The following RMDN1 variants were observed in gnomAD, a reference collection of about 807,000 sequenced individuals.
RMDN1 encodes the protein regulator of microtubule dynamics 1.
In RMDN1, 48 loss-of-function variants were observed where a neutral mutation model predicts 48.9. The observed-to-expected ratio is 0.98, with a 90% CI of 0.78 to 1.25. The LOEUF is 1.25. Among genes scored for constraint, RMDN1 ranks in the 50% most tolerant of loss-of-function variants. RMDN1 has a pLI of 0.00. For missense variants in RMDN1, 418 were observed against 373.4 expected (o/e 1.12, Z -0.98); for synonymous variants, 148 against 132.6 (o/e 1.12, Z -0.80).
chr8:86,506,396 A>G (rs1322505447), intron 2 of RMDN1, among the ~76,000 whole-genome samples: 1 of 151,964 alleles, frequency 6.6e-6, no homozygotes, highest in East Asian at 1.9e-4. Flanking sequence ...ATGCTTGTCT[A>G]TGTCTGTTAC....
chr8:86,479,170 G>A (rs1201277638), intron 6 of RMDN1, among the ~76,000 whole-genome samples, 160 bp from the exon 7 acceptor site: 2 of 152,114 alleles, frequency 1.3e-5, no homozygotes, highest in Admixed American at 6.6e-5. Flanking sequence ...TTGACATAGT[G>A]ATCCTTTAGC....
chr8:86,507,498 A>G lies in RMDN1; in HGVS notation c.130-386T>C, dbSNP rs73688863. On this transcript the variant is annotated intron_variant, in intron 1 of 9. Transcript: ENST00000406452. ...GTAATTACTACATATAAAAATGTAC[A>G]TGGCTAACTTTTAAATTTTTTTGTA... Among the ~76,000 whole-genome samples, 1,023 of 152,318 alleles carry G rather than the reference A, an allele frequency of 6.7e-3. 9 individuals carry two copies. The highest frequency in any genetic ancestry group is 0.02 in the Middle Eastern group (6 of 294).
chr8:86,476,588 A>T (rs993844155), intron 8 of RMDN1, among the ~76,000 whole-genome samples: 5 of 152,200 alleles, frequency 3.3e-5, no homozygotes, highest in African/African-American at 1.2e-4. Flanking sequence ...AGGACTAGTC[A>T]TTTTTTCAAA....
chr8:86,475,480 AAGAG>A (rs1813222083), intron 8 of RMDN1, among the ~76,000 whole-genome samples: 1 of 152,142 alleles, frequency 6.6e-6, no homozygotes, highest in Non-Finnish European at 1.5e-5. Flanking sequence ...CTTTATAATG[AAGAG>A]AGAAACATGA....
chr8:86,512,722 A>T (rs200961634), upstream of RMDN1, among the ~76,000 whole-genome samples: 1 of 115,682 alleles, frequency 8.6e-6, no homozygotes, highest in East Asian at 3.9e-4. Flanking sequence ...AGCAATGCAC[A>T]TAGTGTTTGT....
At chr8:86,468,363 G>T (rs867125233), downstream of RMDN1, 9 of 453,542 alleles carry the variant, frequency 2.0e-5, no homozygotes, top group African/African-American at 4.0e-5. Context: ...GCAGAGATCT[G>T]CTTGGTTGAA....
intron 9 of RMDN1, 115 bp from the exon 10 acceptor site, chr8:86,474,473 A>T: frequency 1.2e-6 from 1 of 834,268 alleles, no homozygotes; most frequent in Non-Finnish European, 2.0e-6. Context: ...ATAGGACATT[A>T]TAACAATAAA....
chr8:86,474,569 C>T (rs1395070251), intron 9 of RMDN1: 2 of 699,110 alleles, frequency 2.9e-6, no homozygotes, highest in Non-Finnish European at 5.1e-6. Flanking sequence ...AATGTTAACT[C>T]GATCTGCCAT....
At chr8:86,481,934 C>A in intron 5 of RMDN1, 1 of 807,094 alleles carries the variant, frequency 1.2e-6, no homozygotes, top group Non-Finnish European at 2.1e-6. Flanking sequence ...TGGAAAGATT[C>A]TCTAGTATTT....
chr8:86,508,349 C>T, intron 1 of RMDN1, 143 bp downstream of exon 1: 1 of 853,976 alleles, frequency 1.2e-6, no homozygotes, highest in Non-Finnish European at 1.7e-6. Context: ...CCTGTCCGGG[C>T]GTTCCAGGCA....
Position 86,474,947 on chromosome 8 carries a change from G to C in RMDN1, c.767C>G (p.Pro256Arg), listed in dbSNP as rs773619182. Reference protein sequence around the residue: ...GYFHRAEQVDPNFYSKNLLLL... With the variant: ...GYFHRAEQVDRNFYSKNLLLL... Reference sequence around the variant, plus strand: ...AAGTAAGTTTTTGCTGTAGAAGTTTGGATCCACTGCACATAAGAAAGAAAA... The same window carrying C: ...AAGTAAGTTTTTGCTGTAGAAGTTTCGATCCACTGCACATAAGAAAGAAAA... Residue 256 changes from proline to arginine, a missense_variant, in exon 9 of 10, where the codon CCA (proline) becomes CGA (arginine). Pro to Arg is a moderately radical substitution (Grantham distance 103). Coordinates refer to ENST00000406452, the MANE Select transcript of RMDN1 (RefSeq NM_016033.3). 6.2e-7 allele frequency: 1 copy of C among 1,604,944 alleles called. No homozygotes were observed. The highest frequency in any genetic ancestry group is 1.1e-5 in the South Asian group (1 of 89,090).
At chr8:86,492,908 A>G (rs1816737134) in intron 2 of RMDN1, among the ~76,000 whole-genome samples, 1 of 151,958 alleles carries the variant, frequency 6.6e-6, no homozygotes, top group African/African-American at 2.4e-5. Context: ...TGGAGGAAGA[A>G]AGAGCTTTTA....
intron 5 of RMDN1, among the ~76,000 whole-genome samples, chr8:86,483,162 T>A (rs1018304535): frequency 6.6e-6 from 1 of 152,228 alleles, no homozygotes; most frequent in South Asian, 2.1e-4. Flanking sequence ...GAATTTGAAA[T>A]GTAAGCAGTA....
At position 86,473,976 on chromosome 8, in the gene RMDN1, C is replaced by G; in HGVS notation, c.*332G>C. On this transcript the variant is annotated 3_prime_UTR_variant, in exon 10 of 10. Coordinates refer to ENST00000406452, the MANE Select transcript of RMDN1 (RefSeq NM_016033.3). ...TCCCCCTGTATATCCCCTATAGATC[C>G]ATTTCCCCTCCTCTACAAATATTTC... 1.9e-6 allele frequency: 2 copies of G among 1,064,046 alleles called. No homozygotes were observed. Among genetic ancestry groups the G allele is most frequent in the South Asian group, 6.7e-5 (2 of 29,862 alleles). The allele number at this position is 1,064,046 out of a possible 1,614,324, so 65.9% of individuals were successfully genotyped here.
chr8:86,474,938 T>C lies in RMDN1; in HGVS notation c.776A>G (p.Tyr259Cys), dbSNP rs748595914. The C allele has an allele frequency of 6.2e-7, 1 of 1,608,166 alleles. No homozygotes were observed. Among genetic ancestry groups the C allele is most frequent in the Non-Finnish European group, 8.5e-7 (1 of 1,178,396 alleles). ...TCCTAAAAGAAGTAAGTTTTTGCTGTAGAAGTTTGGATCCACTGCACATAA... is the reference window on the plus strand; with the variant it reads ...TCCTAAAAGAAGTAAGTTTTTGCTGCAGAAGTTTGGATCCACTGCACATAA... Reference protein sequence around the residue: ...HRAEQVDPNFYSKNLLLLGKT... With the variant: ...HRAEQVDPNFCSKNLLLLGKT... Residue 259 changes from tyrosine to cysteine, a missense_variant, in exon 9 of 10, where the codon TAC (tyrosine) becomes TGC (cysteine). By Grantham distance (194) the Tyr-to-Cys change is radical. Coordinates refer to ENST00000406452, the MANE Select transcript of RMDN1 (RefSeq NM_016033.3).
chr8:86,507,925 C>T (rs1819651190), intron 1 of RMDN1, among the ~76,000 whole-genome samples: 1 of 152,184 alleles, frequency 6.6e-6, no homozygotes, highest in Admixed American at 6.5e-5. Context: ...CATTCCAATT[C>T]CCTGACAAGA....
rs1354324383 is a variant in RMDN1, at chr8:86,503,366, C to CAAAAAAAAAA, written c.247+3628_247+3629insTTTTTTTTTT. ...GACTCCGTCTCAAAACAAAACAAAA[C>CAAAAAAAAAA]AAAACAAAAAAAAAAAAAAAAAACA... On this transcript the variant is annotated intron_variant, in intron 2 of 9. Coordinates refer to ENST00000406452, the MANE Select transcript of RMDN1 (RefSeq NM_016033.3). 4.1e-3 allele frequency among the ~76,000 whole-genome samples: 283 copies of CAAAAAAAAAA among 69,860 alleles called. 5 individuals carry two copies. The highest frequency in any genetic ancestry group is 7.4e-3 in the Non-Finnish European group (203 of 27,440). The allele number at this position is 69,860 out of a possible 152,430, so 45.8% of individuals were successfully genotyped here. A position where few individuals can be genotyped will look rare whatever the true frequency, so the allele number is the denominator to read the frequency against.
At chr8:86,485,881 C>A (rs146604174) in intron 4 of RMDN1, among the ~76,000 whole-genome samples, 1 of 152,254 alleles carries the variant, frequency 6.6e-6, no homozygotes, top group East Asian at 1.9e-4. Context: ...ATTAATGAAG[C>A]CTCGGAGCAA....
upstream of RMDN1, among the ~76,000 whole-genome samples, chr8:86,509,534 G>A (rs760753212): frequency 2.0e-5 from 3 of 152,086 alleles, no homozygotes; most frequent in Non-Finnish European, 2.9e-5. Context: ...AATAAGGGAG[G>A]CGAGTCATGG....
Sources: allele counts gnomAD v4.1 joint callset (sites outside exome capture counted in the v4.1 genomes callset), GRCh38; gene constraint gnomAD v4.1.1; transcripts MANE v1.5; gene names NCBI Gene and HGNC (gene_info 2026-07-23, HGNC 2026-07-21).